The following LRRC4C variants were observed in gnomAD, a reference collection of about 807,000 sequenced individuals.
LRRC4C encodes the protein leucine-rich repeat-containing protein 4C.
LRRC4C carries 5 observed loss-of-function variants against 33.6 expected under a neutral mutation model. The ratio of observed to expected loss-of-function variants is 0.15; its 90% confidence interval spans 0.08 to 0.31. LRRC4C has a LOEUF of 0.31. Ranked by LOEUF, LRRC4C falls within the 10% of genes least tolerant of loss-of-function variation. The pLI is 1.00. For missense variants in LRRC4C, 560 were observed against 796.7 expected (o/e 0.70, Z 3.58); for synonymous variants, 329 against 302.0 (o/e 1.09, Z -0.93).
chr11:41,097,536 T>TA (rs997274131), intron 1 of LRRC4C, among the ~76,000 whole-genome samples: 83 of 152,206 alleles, frequency 5.5e-4, no homozygotes, highest in Non-Finnish European at 1.5e-4. Context: ...AGAAGATCTC[T>TA]AAAAATAATA....
intron 3 of LRRC4C, among the ~76,000 whole-genome samples, chr11:40,586,618 T>C (rs1295143908): frequency 6.8e-6 from 1 of 148,078 alleles, no homozygotes; most frequent in African/African-American, 2.6e-5. Context: ...GTCTAACATT[T>C]AAGTCTTTAA....
chr11:40,388,851 A>T (rs1205817461), intron 3 of LRRC4C, among the ~76,000 whole-genome samples: 2 of 152,194 alleles, frequency 1.3e-5, no homozygotes, highest in Non-Finnish European at 2.9e-5. Flanking sequence ...GTATTCAGAT[A>T]TTCCCTGAAG....
chr11:40,743,917 T>C (rs188977223), intron 2 of LRRC4C, among the ~76,000 whole-genome samples: 6 of 152,246 alleles, frequency 3.9e-5, no homozygotes, highest in Admixed American at 3.9e-4. Flanking sequence ...CTATCTGGAA[T>C]GCTCATCCAA....
chr11:40,731,953 C>T, intron 2 of LRRC4C, among the ~76,000 whole-genome samples: 1 of 151,658 alleles, frequency 6.6e-6, no homozygotes, highest in Non-Finnish European at 1.5e-5. Context: ...TAGATGTTTG[C>T]ATGGACCTTT....
intron 2 of LRRC4C, among the ~76,000 whole-genome samples, chr11:40,858,864 T>C (rs1010567979): frequency 6.6e-6 from 1 of 152,092 alleles, no homozygotes; most frequent in Admixed American, 6.5e-5. Context: ...ATCTGGGACA[T>C]GGGTAATGTC....
intron 3 of LRRC4C, among the ~76,000 whole-genome samples, chr11:40,521,179 T>C (rs181432121): frequency 3.1e-3 from 478 of 152,302 alleles, no homozygotes; most frequent in Non-Finnish European, 5.2e-3. Context: ...AAACTAATCA[T>C]GCTAGCTCTG....
rs66917448 is a variant in LRRC4C, at chr11:40,560,442, T to TTGTGTG, written c.-270+87694_-270+87699dup. The stretch of plus-strand genomic sequence containing the variant: ...CAACCAATGATGTGTGTGCCTGTGT[T>TTGTGTG]TGTGTGTGTGTGTGTGTGTGTGTGT... On this transcript the variant is annotated intron_variant, in intron 3 of 6. Transcript: ENST00000528697. Among the ~76,000 whole-genome samples the TTGTGTG allele has an allele frequency of 6.9e-3, 1,034 of 149,400 alleles. 18 individuals carry two copies. Among genetic ancestry groups the TTGTGTG allele is most frequent in the African/African-American group, 0.024 (980 of 40,602 alleles).
intron 1 of LRRC4C, among the ~76,000 whole-genome samples, chr11:41,169,418 T>C (rs766869186): frequency 6.6e-6 from 1 of 152,128 alleles, no homozygotes; most frequent in Non-Finnish European, 1.5e-5. Context: ...TAGGAGCTTG[T>C]TGTATGCCCC....
intron 2 of LRRC4C, among the ~76,000 whole-genome samples, chr11:40,788,730 A>C (rs1340581108): frequency 2.6e-5 from 4 of 152,152 alleles, no homozygotes; most frequent in African/African-American, 7.2e-5. Context: ...TCTTTCCTGG[A>C]ATGCCATGAA....
chr11:40,815,160 G>A (rs1951656204), intron 2 of LRRC4C, among the ~76,000 whole-genome samples: 1 of 152,156 alleles, frequency 6.6e-6, no homozygotes, highest in Non-Finnish European at 1.5e-5. Context: ...TCAGATGACT[G>A]GGGAGACCTC....
At chr11:40,385,797 G>A (rs1047407906) in intron 3 of LRRC4C, among the ~76,000 whole-genome samples, 3 of 151,586 alleles carry the variant, frequency 2.0e-5, no homozygotes, top group African/African-American at 7.3e-5. Context: ...AACACGGAAG[G>A]TGGAGGTTTC....
At chr11:40,746,218 A>T (rs1948410477) in intron 2 of LRRC4C, among the ~76,000 whole-genome samples, 1 of 152,096 alleles carries the variant, frequency 6.6e-6, no homozygotes, top group Non-Finnish European at 1.5e-5. Context: ...CAGGCCCTAA[A>T]ACTAACACTA....
At chr11:40,236,806 T>C (rs1408066661) in intron 5 of LRRC4C, among the ~76,000 whole-genome samples, 1 of 152,140 alleles carries the variant, frequency 6.6e-6, no homozygotes, top group African/African-American at 2.4e-5. Context: ...GAAAAATAAA[T>C]GTTTGTCGTG....
intron 2 of LRRC4C, among the ~76,000 whole-genome samples, chr11:40,917,527 A>G (rs892877968): frequency 6.6e-5 from 10 of 152,126 alleles, no homozygotes; most frequent in African/African-American, 2.4e-4. Context: ...GTTGTATGCC[A>G]TTTTGATAAC....
At chr11:41,235,212 T>C (rs1947966421) in intron 1 of LRRC4C, among the ~76,000 whole-genome samples, 1 of 152,014 alleles carries the variant, frequency 6.6e-6, no homozygotes, top group Non-Finnish European at 1.5e-5. Context: ...GCATATGCAT[T>C]AAAAAGTGAC....
At chr11:41,147,132 G>A (rs1565425926) in intron 1 of LRRC4C, among the ~76,000 whole-genome samples, 1 of 152,066 alleles carries the variant, frequency 6.6e-6, no homozygotes, top group South Asian at 2.1e-4. Context: ...ATCTGTTTTT[G>A]TTGTTAAACC....
chr11:40,717,234 T>G (rs1291546328), intron 2 of LRRC4C, among the ~76,000 whole-genome samples: 1 of 151,954 alleles, frequency 6.6e-6, no homozygotes, highest in African/African-American at 2.4e-5. Context: ...GCATTTTCAG[T>G]GTGCTTCGGG....
intron 1 of LRRC4C, among the ~76,000 whole-genome samples, chr11:41,068,993 T>A (rs1938476241): frequency 6.6e-6 from 1 of 152,120 alleles, no homozygotes; most frequent in Non-Finnish European, 1.5e-5. Context: ...CCAATATTCC[T>A]GATAATATCA....
intron 2 of LRRC4C, among the ~76,000 whole-genome samples, chr11:40,724,995 T>C (rs1019226745): frequency 3.3e-5 from 5 of 152,168 alleles, no homozygotes; most frequent in African/African-American, 1.2e-4. Flanking sequence ...CCTCCCTTAC[T>C]TTCTTGCCTC....
Sources: allele counts gnomAD v4.1 joint callset (sites outside exome capture counted in the v4.1 genomes callset), GRCh38; gene constraint gnomAD v4.1.1; transcripts MANE v1.5; gene names NCBI Gene and HGNC (gene_info 2026-07-23, HGNC 2026-07-21).